The following UST variants were observed in gnomAD, a reference collection of about 807,000 sequenced individuals.
The protein encoded by UST is chondroitin sulfate 2-O-sulfotransferase.
UST carries 21 observed loss-of-function variants against 45.6 expected under a neutral mutation model. The ratio of observed to expected loss-of-function variants is 0.46; its 90% CI spans 0.33 to 0.66. The LOEUF (loss-of-function observed/expected upper bound fraction) is 0.66, where lower values mean the gene tolerates loss of function less well. Ranked by LOEUF, UST falls within the 30% of genes least tolerant of loss-of-function variation. UST has a pLI of 0.02. For missense variants in UST, 463 were observed against 512.4 expected (o/e 0.90, Z 0.93); for synonymous variants, 215 against 200.6 (o/e 1.07, Z -0.61).
intron 1 of UST, among the ~76,000 whole-genome samples, chr6:148,785,104 G>A (rs1466098961): frequency 6.6e-6 from 1 of 152,028 alleles, no homozygotes; most frequent in Non-Finnish European, 1.5e-5. Context: ...GGGAGGTTGA[G>A]GCAGGAGAAT....
chr6:149,071,224 TAG>T (rs1275130104), intron 7 of UST, among the ~76,000 whole-genome samples: 1 of 152,180 alleles, frequency 6.6e-6, no homozygotes, highest in Non-Finnish European at 1.5e-5. Context: ...AGCCTCTACA[TAG>T]AGAATTTTTC....
intron 5 of UST, among the ~76,000 whole-genome samples, chr6:149,017,388 A>G (rs1447539717): frequency 2.0e-5 from 3 of 152,080 alleles, no homozygotes; most frequent in African/African-American, 7.2e-5. Context: ...AAAAAAAACA[A>G]AAAAAGTAAG....
At chr6:148,886,323 A>T (rs1778912022) in intron 1 of UST, among the ~76,000 whole-genome samples, 1 of 152,216 alleles carries the variant, frequency 6.6e-6, no homozygotes, top group African/African-American at 2.4e-5. Context: ...AAATACCTGT[A>T]AAGCACTTAG....
chr6:149,059,608 CTTTTA>C (rs763520222), intron 7 of UST, among the ~76,000 whole-genome samples: 1 of 152,196 alleles, frequency 6.6e-6, no homozygotes, highest in African/African-American at 2.4e-5. Context: ...GTGTTTTTAG[CTTTTA>C]TTTTATTTTA....
At chr6:148,856,661 G>A (rs1778211356) in intron 1 of UST, among the ~76,000 whole-genome samples, 1 of 152,172 alleles carries the variant, frequency 6.6e-6, no homozygotes, top group Non-Finnish European at 1.5e-5. Flanking sequence ...GAGATGATCT[G>A]GGTAAATCAC....
intron 1 of UST, among the ~76,000 whole-genome samples, chr6:148,770,854 G>A (rs1036163579): frequency 3.9e-5 from 6 of 151,902 alleles, no homozygotes; most frequent in Non-Finnish European, 5.9e-5. Flanking sequence ...TTGCCTTTTC[G>A]CCTCATGCCA....
Position 148,801,891 on chromosome 6 carries a change from T to C in UST, c.247+54214T>C, listed in dbSNP as rs375340140. Among the ~76,000 whole-genome samples the C allele has an allele frequency of 6.6e-5, 10 of 152,198 alleles. No homozygotes were observed. The East Asian group carries it at 1.9e-3, about 29-fold the overall frequency. On this transcript the variant is annotated intron_variant, in intron 1 of 7. Transcript: ENST00000367463. ...GTCTGTCAGGTCAAATAGATGGAAG[T>C]TGAAGTTTGAAGATTTGGGTTAAAG...
intron 1 of UST, among the ~76,000 whole-genome samples, chr6:148,794,172 A>G (rs1776904810): frequency 6.6e-6 from 1 of 152,194 alleles, no homozygotes; most frequent in South Asian, 2.1e-4. Context: ...TCATATTGGG[A>G]ATAATTTTTA....
chr6:148,994,847 G>A (rs185267673), intron 5 of UST, among the ~76,000 whole-genome samples: 248 of 152,184 alleles, frequency 1.6e-3, no homozygotes, highest in Non-Finnish European at 2.9e-3. Flanking sequence ...GCATTTCCAG[G>A]ACCACTTCAT....
At chr6:148,817,865 G>A (rs1479228115) in intron 1 of UST, among the ~76,000 whole-genome samples, 1 of 152,182 alleles carries the variant, frequency 6.6e-6, no homozygotes, top group Admixed American at 6.5e-5. Context: ...CCTGGTTGAA[G>A]AGGAAGTTCA....
At position 148,881,027 on chromosome 6, in the gene UST, T is replaced by TA. The variant is rs376159476; in HGVS notation, c.248-5942dup. 7.0e-3 allele frequency among the ~76,000 whole-genome samples: 954 copies of TA among 136,916 alleles called. 4 individuals carry two copies. The highest frequency in any genetic ancestry group is 0.017 in the African/African-American group (638 of 37,276). 89.8% of individuals were successfully genotyped at this position (136,916 alleles called of 152,430 possible). On this transcript the variant is annotated intron_variant, in intron 1 of 7. Coordinates refer to ENST00000367463, the MANE Select transcript of UST (RefSeq NM_005715.3). ...CTGGGTGACAGAACCAGACTCCGTC[T>TA]AAAAAAAAAAAAAAAAATTAAACCG...
chr6:149,056,488 A>G (rs1776568642), intron 7 of UST, among the ~76,000 whole-genome samples: 1 of 152,194 alleles, frequency 6.6e-6, no homozygotes. Context: ...ACATTAGCTT[A>G]TCAATTTCAA....
At chr6:148,840,924 C>T (rs1777875705) in intron 1 of UST, among the ~76,000 whole-genome samples, 1 of 151,958 alleles carries the variant, frequency 6.6e-6, no homozygotes, top group South Asian at 2.1e-4. Flanking sequence ...GTGGTGGTCG[C>T]ACAGCTTGGT....
At chr6:148,911,535 G>C (rs369842792) in intron 2 of UST, among the ~76,000 whole-genome samples, 4 of 152,116 alleles carry the variant, frequency 2.6e-5, no homozygotes, top group Non-Finnish European at 1.5e-5. Flanking sequence ...CTTTGGTTCT[G>C]TTGATACACT....
chr6:149,005,563 C>T (rs1001510809), intron 5 of UST: 72 of 985,348 alleles, frequency 7.3e-5, no homozygotes, highest in South Asian at 6.6e-4. Flanking sequence ...AAGCTTTTAC[C>T]GAATAAAATG....
intron 1 of UST, among the ~76,000 whole-genome samples, chr6:148,842,054 C>A (rs573458380): frequency 6.6e-6 from 1 of 152,094 alleles, no homozygotes; most frequent in African/African-American, 2.4e-5. Context: ...TGCAGTGAGC[C>A]GAGATCTTAC....
chr6:148,864,602 G>A (rs1778389410), intron 1 of UST, among the ~76,000 whole-genome samples: 1 of 152,228 alleles, frequency 6.6e-6, no homozygotes, highest in South Asian at 2.1e-4. Context: ...CTGTAGACTG[G>A]AACCGTTCCT....
chr6:148,962,395 A>T (rs1262827064), intron 4 of UST, among the ~76,000 whole-genome samples: 2 of 152,256 alleles, frequency 1.3e-5, no homozygotes, highest in Non-Finnish European at 2.9e-5. Flanking sequence ...CATTCTTCAC[A>T]TGAACATAAA....
At chr6:149,027,966 C>T (rs1398749057) in intron 7 of UST, among the ~76,000 whole-genome samples, 1 of 151,896 alleles carries the variant, frequency 6.6e-6, no homozygotes, top group Non-Finnish European at 1.5e-5. Context: ...GCCTCAGCTT[C>T]CCAAGCAGCT....
Sources: gnomAD v4.1 joint callset for allele counts (sites outside exome capture counted in the v4.1 genomes callset) on GRCh38, gnomAD v4.1.1 for gene constraint, MANE v1.5 for transcripts, NCBI Gene and HGNC (gene_info 2026-07-23, HGNC 2026-07-21) for gene names.